The following SEMA3D variants were observed in gnomAD, a reference collection of about 807,000 sequenced individuals.
SEMA3D encodes the protein semaphorin-3D.
In SEMA3D, 84 loss-of-function variants were observed where a neutral mutation model predicts 100.1. The observed-to-expected ratio is 0.84, with a 90% CI of 0.70 to 1.01. SEMA3D has a LOEUF of 1.01. SEMA3D is among the 50% of genes least tolerant of loss of function. The pLI is 0.00. For missense variants in SEMA3D, 875 were observed against 934.1 expected (o/e 0.94, Z 0.82); for synonymous variants, 312 against 320.7 (o/e 0.97, Z 0.29).
At chr7:85,050,488 C>T in intron 9 of SEMA3D, 1 of 299,338 alleles carries the variant, frequency 3.3e-6, no homozygotes, top group South Asian at 1.6e-4. Flanking sequence ...AGGAAATGTG[C>T]TCTACCATGT....
chr7:85,065,584 T>A, intron 7 of SEMA3D, 32 bp from the exon 8 acceptor site: 1 of 1,589,488 alleles, frequency 6.3e-7, no homozygotes, highest in Non-Finnish European at 8.6e-7. Flanking sequence ...ACAGAACTTT[T>A]AAGAGTACAG....
rs56131427 is a variant in SEMA3D at position 85,055,645 on chromosome 7, CATATATATATATATATATATATAT to C, written c.861+48_861+71del. 42 of 159,806 alleles carry C rather than the reference CATATATATATATATATATATATAT, an allele frequency of 2.6e-4. 2 individuals carry two copies. The highest frequency in any genetic ancestry group is 1.3e-3 in the East Asian group (6 of 4,636). The allele number at this position is 159,806 out of a possible 1,614,324, so 9.9% of individuals were successfully genotyped here. A position where few individuals can be genotyped will look rare whatever the true frequency, so the allele number is the denominator to read the frequency against. ...AACCTTGCCAAAGTTTTTTCATATA[CATATATATATATATATATATATAT>C]ATATATATATATATATGTTTTAAGT... On this transcript the variant is annotated intron_variant, in intron 9 of 18. Transcript: ENST00000284136.
At chr7:85,111,371 C>T (rs1219693284) in intron 3 of SEMA3D, among the ~76,000 whole-genome samples, 1 of 152,032 alleles carries the variant, frequency 6.6e-6, no homozygotes, top group East Asian at 1.9e-4. Context: ...GATCTTCCCA[C>T]AAAACGACTT....
At chr7:85,017,505 A>G (rs1562784400) in intron 15 of SEMA3D, among the ~76,000 whole-genome samples, 1 of 151,760 alleles carries the variant, frequency 6.6e-6, no homozygotes, top group Non-Finnish European at 1.5e-5. Context: ...TAAAAAAATC[A>G]CTCTGCCATA....
At position 85,042,293 on chromosome 7, in the gene SEMA3D, G is replaced by T; in HGVS notation, c.862-8C>A. ...TTGTCCTCCTACATCATTCTGACATGAAAAAAAAAATAAAGATAAATATTT... is the reference window on the plus strand; with the variant it reads ...TTGTCCTCCTACATCATTCTGACATTAAAAAAAAAATAAAGATAAATATTT... On this transcript the variant is annotated splice_polypyrimidine_tract_variant and splice_region_variant and intron_variant, in intron 9 of 18. Coordinates refer to ENST00000284136, the MANE Select transcript of SEMA3D (RefSeq NM_001384900.1). 1 of 1,392,154 alleles carries T rather than the reference G, an allele frequency of 7.2e-7. No homozygotes were observed. The highest frequency in any genetic ancestry group is 9.8e-7 in the Non-Finnish European group (1 of 1,018,780). The allele number at this position is 1,392,154 out of a possible 1,614,324, so 86.2% of individuals were successfully genotyped here. A position where few individuals can be genotyped will look rare whatever the true frequency, so the allele number is the denominator to read the frequency against.
chr7:85,145,787 T>C (rs559523033), intron 2 of SEMA3D, among the ~76,000 whole-genome samples: 2 of 152,300 alleles, frequency 1.3e-5, no homozygotes, highest in East Asian at 3.9e-4. Flanking sequence ...AAGATCCTTC[T>C]TGGATACCAA....
At chr7:85,196,576 T>C in the SEMA3D span, among the ~76,000 whole-genome samples, 3 of 152,070 alleles carry the variant, frequency 2.0e-5, no homozygotes, top group Non-Finnish European at 4.4e-5. Flanking sequence ...ATCCTTTACA[T>C]ATGCAGAATA....
rs1056561080 is a variant in SEMA3D, at chr7:85,142,476, G to A, written c.-41+11132C>T. The A allele has an allele frequency of 5.1e-6, 5 of 979,526 alleles. No individual in the cohort carries two copies. In the Admixed American group the frequency reaches 3.1e-4, roughly 61 times the overall value. 60.7% of individuals were successfully genotyped at this position (979,526 alleles called of 1,614,324 possible). On this transcript the variant is annotated intron_variant, in intron 2 of 18. Coordinates refer to ENST00000284136, the MANE Select transcript of SEMA3D (RefSeq NM_001384900.1). ...ACACAGATTACATCAGGGAAATAAGGCATCTAGCTCACGGTTGTCCTATTT... is the reference window on the plus strand; with the variant it reads ...ACACAGATTACATCAGGGAAATAAGACATCTAGCTCACGGTTGTCCTATTT...
At chr7:85,216,734 A>G in the SEMA3D span, among the ~76,000 whole-genome samples, 2 of 152,134 alleles carry the variant, frequency 1.3e-5, no homozygotes, top group South Asian at 4.1e-4. Flanking sequence ...TAATTAATAA[A>G]ATATGTTATT....
At chr7:85,022,647 G>T (rs1176333111) in intron 12 of SEMA3D, 34 bp from the exon 13 acceptor site, 2 of 1,377,456 alleles carry the variant, frequency 1.5e-6, no homozygotes, top group Admixed American at 1.7e-5. Context: ...TAAAGACATT[G>T]TTTATGCACC....
At chr7:85,096,935 C>T (rs534268948) in intron 4 of SEMA3D, among the ~76,000 whole-genome samples, 4 of 151,724 alleles carry the variant, frequency 2.6e-5, no homozygotes, top group East Asian at 2.0e-4. Context: ...GGATTTAAAC[C>T]GTGCAACTGC....
intron 1 of SEMA3D, among the ~76,000 whole-genome samples, chr7:85,186,275 A>T (rs1791545432): frequency 6.6e-6 from 1 of 152,138 alleles, no homozygotes. Flanking sequence ...AGCCGGGGAC[A>T]CATTCATAGA....
At chr7:85,024,520 T>C (rs746290446) in intron 12 of SEMA3D, among the ~76,000 whole-genome samples, 5 of 151,928 alleles carry the variant, frequency 3.3e-5, no homozygotes, top group Non-Finnish European at 7.4e-5. Flanking sequence ...AAAATAAATA[T>C]GAATTTTCCT....
intron 6 of SEMA3D, among the ~76,000 whole-genome samples, chr7:85,071,580 A>T (rs1282772448): frequency 6.6e-6 from 1 of 152,236 alleles, no homozygotes; most frequent in South Asian, 2.1e-4. Context: ...ATGCAATGTC[A>T]TCATTGTGTG....
chr7:85,018,725 G>T (rs1790173397), intron 14 of SEMA3D, among the ~76,000 whole-genome samples: 1 of 151,740 alleles, frequency 6.6e-6, no homozygotes, highest in African/African-American at 2.4e-5. Context: ...GTTTTGAGAA[G>T]TTATAGTGCT....
chr7:85,042,280 A>G lies in SEMA3D; in HGVS notation c.867T>C (p.Asp289=). The G allele has an allele frequency of 6.2e-7, 1 of 1,601,926 alleles. No individual in the cohort carries two copies. Among genetic ancestry groups the G allele is most frequent in the Non-Finnish European group, 8.6e-7 (1 of 1,169,538 alleles). Residue 289 remains aspartate (D), a synonymous_variant, in exon 10 of 19, where the codon GAT becomes GAC. Coordinates refer to ENST00000284136, the MANE Select transcript of SEMA3D (RefSeq NM_001384900.1). ...LSRVGRVCKN[D]VGGQRSLINK... is the part of the protein sequence containing the mutation. ...TTATCAGGCTGCGTTGTCCTCCTAC[A>G]TCATTCTGACATGAAAAAAAAAATA... is the stretch of plus-strand genomic sequence containing the variant.
At chr7:85,170,091 A>T (rs1222338213) in intron 1 of SEMA3D, among the ~76,000 whole-genome samples, 8 of 151,790 alleles carry the variant, frequency 5.3e-5, no homozygotes, top group Non-Finnish European at 1.2e-4. Flanking sequence ...GAAAGAAGGA[A>T]TTCCATTCAG....
chr7:85,214,372 C>T, the SEMA3D span, among the ~76,000 whole-genome samples: 1 of 152,054 alleles, frequency 6.6e-6, no homozygotes, highest in Non-Finnish European at 1.5e-5. Context: ...AGAGTGACAT[C>T]TCTATACCAT....
chr7:84,995,573 T>G lies in SEMA3D; in HGVS notation c.*3867A>C, dbSNP rs2115664723. ...AGTAGTTTTTATAATCATAGAACAG[T>G]CATGTTTGCATTTTATTATAATACA... On this transcript the variant is annotated 3_prime_UTR_variant, in exon 19 of 19. Transcript: ENST00000284136. The G allele has an allele frequency of 6.6e-6, 1 of 152,224 alleles. No individual in the cohort carries two copies. Among genetic ancestry groups the G allele is most frequent in the East Asian group, 1.9e-4 (1 of 5,186 alleles). 9.4% of individuals were successfully genotyped at this position (152,224 alleles called of 1,614,324 possible). A position where few individuals can be genotyped will look rare whatever the true frequency, so the allele number is the denominator to read the frequency against.
Sources: allele counts gnomAD v4.1 joint callset (sites outside exome capture counted in the v4.1 genomes callset), GRCh38; gene constraint gnomAD v4.1.1; transcripts MANE v1.5; gene names NCBI Gene and HGNC (gene_info 2026-07-23, HGNC 2026-07-21).